SETBP1: variants seen among roughly 807,000 people sequenced by gnomAD.
The protein encoded by SETBP1 is SET binding protein 1, also known as SET-binding protein.
Under a neutral mutation model 101.0 loss-of-function variants are expected in SETBP1, and 9 were observed. The ratio of observed to expected loss-of-function variants is 0.09; its 90% CI spans 0.05 to 0.16. The LOEUF is 0.16. Ranked by LOEUF, SETBP1 falls within the 10% of genes least tolerant of loss-of-function variation. The pLI is 1.00. For synonymous variants in SETBP1, 818 were observed against 788.5 expected (o/e 1.04, Z -0.63); for missense variants, 1,858 against 2,033.8 (o/e 0.91, Z 1.66).
At chr18:44,780,303 G>T (rs2071099367) in intron 2 of SETBP1, among the ~76,000 whole-genome samples, 2 of 152,174 alleles carry the variant, frequency 1.3e-5, no homozygotes, top group Non-Finnish European at 2.9e-5. Context: ...CCTGAGCCCT[G>T]ACTCCTCTTC....
chr18:44,906,442 G>A (rs73952930), intron 3 of SETBP1, among the ~76,000 whole-genome samples: 130 of 152,276 alleles, frequency 8.5e-4, no homozygotes, highest in African/African-American at 3.1e-3. Context: ...ATCCAGCAAA[G>A]ATAAAATTTT....
In SETBP1 at chr18:44,963,899, CAAAAAAAA is replaced by C. The variant is rs59077847; in HGVS notation, c.4000+10575_4000+10582del. Among the ~76,000 whole-genome samples the C allele has an allele frequency of 1.3e-3, 54 of 41,636 alleles. 1 individual carries two copies. Among genetic ancestry groups the C allele is most frequent in the Admixed American group, 3.0e-3 (7 of 2,296 alleles). 27.3% of individuals were successfully genotyped at this position (41,636 alleles called of 152,430 possible). A position where few individuals can be genotyped will look rare whatever the true frequency, so the allele number is the denominator to read the frequency against. ...TGGGTAACAGAGCAAGACCCCATCT[CAAAAAAAA>C]AAAAAAAAAAAAAAAGGGTTATATA... is the stretch of plus-strand genomic sequence containing the variant. On this transcript the variant is annotated intron_variant, in intron 4 of 5. Transcript: ENST00000649279.
chr18:44,911,284 C>A (rs2070302871), intron 3 of SETBP1, among the ~76,000 whole-genome samples: 1 of 152,156 alleles, frequency 6.6e-6, no homozygotes, highest in Non-Finnish European at 1.5e-5. Flanking sequence ...GAGTATATAA[C>A]TGAGAGAGAA....
chr18:44,715,834 C>A (rs2069449705), intron 2 of SETBP1, among the ~76,000 whole-genome samples: 1 of 152,232 alleles, frequency 6.6e-6, no homozygotes, highest in Admixed American at 6.5e-5. Flanking sequence ...CCAGACGTGG[C>A]TGTGATGGAC....
At chr18:44,976,699 C>G (rs1165602862) in intron 4 of SETBP1, among the ~76,000 whole-genome samples, 1 of 152,206 alleles carries the variant, frequency 6.6e-6, no homozygotes, top group Non-Finnish European at 1.5e-5. Context: ...CTGTCACTCA[C>G]TAGCTGGATG....
At chr18:44,708,055 G>A (rs2069260387) in intron 2 of SETBP1, among the ~76,000 whole-genome samples, 1 of 152,200 alleles carries the variant, frequency 6.6e-6, no homozygotes, top group Non-Finnish European at 1.5e-5. Context: ...AGGGGTCTAT[G>A]AGAGGAGGTG....
intron 4 of SETBP1, among the ~76,000 whole-genome samples, chr18:45,021,837 T>C (rs1175942872): frequency 6.7e-6 from 1 of 148,688 alleles, no homozygotes; most frequent in Non-Finnish European, 1.5e-5. Flanking sequence ...GGTTTAGGTG[T>C]CTTCTGAGCA....
At chr18:44,768,668 T>C (rs1396492187) in intron 2 of SETBP1, among the ~76,000 whole-genome samples, 3 of 152,344 alleles carry the variant, frequency 2.0e-5, no homozygotes, top group East Asian at 1.9e-4. Context: ...GGATTTATAA[T>C]GATCATTGCT....
chr18:44,766,999 T>G (rs2070774853), intron 2 of SETBP1, among the ~76,000 whole-genome samples: 1 of 152,210 alleles, frequency 6.6e-6, no homozygotes, highest in South Asian at 2.1e-4. Flanking sequence ...CATGAAGGTC[T>G]GTCCCATGGA....
intron 2 of SETBP1, among the ~76,000 whole-genome samples, chr18:44,791,077 A>AT (rs2071362061): frequency 2.0e-5 from 3 of 152,208 alleles, no homozygotes; most frequent in Non-Finnish European, 4.4e-5. Context: ...AGGACAGTTA[A>AT]GTTGACAATG....
chr18:45,026,356 T>C (rs1266518288), intron 4 of SETBP1, among the ~76,000 whole-genome samples: 1 of 152,166 alleles, frequency 6.6e-6, no homozygotes, highest in Non-Finnish European at 1.5e-5. Flanking sequence ...AGGACATGAC[T>C]AGTGTCAGAA....
At chr18:44,914,050 G>A (rs2070373632) in intron 3 of SETBP1, among the ~76,000 whole-genome samples, 1 of 152,156 alleles carries the variant, frequency 6.6e-6, no homozygotes, top group Admixed American at 6.5e-5. Context: ...TCCTTAGCTG[G>A]GGGACAGGCC....
chr18:44,796,769 G>A (rs2071485440), intron 2 of SETBP1, among the ~76,000 whole-genome samples: 1 of 152,136 alleles, frequency 6.6e-6, no homozygotes, highest in Non-Finnish European at 1.5e-5. Flanking sequence ...TTTTTCTCAA[G>A]TGACATGATT....
Position 44,766,555 on chromosome 18 carries a change from G to T in SETBP1, c.486+64723G>T, listed in dbSNP as rs139649338. On this transcript the variant is annotated intron_variant, in intron 2 of 5. Coordinates refer to ENST00000649279, the MANE Select transcript of SETBP1 (RefSeq NM_015559.3). ...GGTGGGTGATAGAAGGGAAGGAGGG[G>T]TTCTTCTTTTAACGTATATAGACTT... 3.3e-4 allele frequency among the ~76,000 whole-genome samples: 51 copies of T among 152,244 alleles called. 1 individual carries two copies. The highest frequency in any genetic ancestry group is 1.2e-3 in the African/African-American group (51 of 41,542).
chr18:44,735,106 TCAATATTCATTAATCC>T (rs1395298064), intron 2 of SETBP1, among the ~76,000 whole-genome samples: 1 of 152,240 alleles, frequency 6.6e-6, no homozygotes, highest in Non-Finnish European at 1.5e-5. Flanking sequence ...ATGATGTTTC[TCAATATTCATTAATCC>T]CAAGAAAGAG....
chr18:44,912,207 G>A (rs957873527), intron 3 of SETBP1, among the ~76,000 whole-genome samples: 2 of 151,962 alleles, frequency 1.3e-5, no homozygotes, highest in African/African-American at 2.4e-5. Context: ...GTTTTGACTC[G>A]ACTAAACATG....
At chr18:44,859,449 A>G (rs2073034590) in intron 2 of SETBP1, among the ~76,000 whole-genome samples, 1 of 152,210 alleles carries the variant, frequency 6.6e-6, no homozygotes, top group African/African-American at 2.4e-5. Context: ...CAAGGGGATC[A>G]TGGATGGCTG....
intron 4 of SETBP1, among the ~76,000 whole-genome samples, chr18:45,010,368 A>C (rs2072813758): frequency 6.6e-6 from 1 of 152,224 alleles, no homozygotes; most frequent in African/African-American, 2.4e-5. Flanking sequence ...AATTCCTAAA[A>C]GCTGATAATC....
chr18:44,713,553 G>T (rs1436432318), intron 2 of SETBP1, among the ~76,000 whole-genome samples: 1 of 152,138 alleles, frequency 6.6e-6, no homozygotes, highest in African/African-American at 2.4e-5. Context: ...AGAGCTCACA[G>T]AATAGAGTAC....
Sources: allele counts gnomAD v4.1 joint callset (sites outside exome capture counted in the v4.1 genomes callset), GRCh38; gene constraint gnomAD v4.1.1; transcripts MANE v1.5; gene names NCBI Gene and HGNC (gene_info 2026-07-23, HGNC 2026-07-21).